PCDH15: variants seen among roughly 807,000 people sequenced by gnomAD.
PCDH15 encodes protocadherin related 15.
PCDH15 carries 129 observed loss-of-function variants against 178.5 expected under a neutral mutation model. The ratio of observed to expected loss-of-function variants is 0.72; its 90% CI spans 0.63 to 0.84. The LOEUF is 0.84. Among genes scored for constraint, PCDH15 ranks in the 40% least tolerant of loss-of-function variants. The pLI, the probability that PCDH15 is intolerant of heterozygous loss-of-function variation, is 0.00. For missense variants in PCDH15, 2,230 were observed against 2,099.9 expected, an observed-to-expected ratio of 1.06 and a Z score of -1.21; for synonymous variants, 800 against 732.0, an observed-to-expected ratio of 1.09 and a Z score of -1.50.
At chr10:55,318,955 G>A (rs921137354) in intron 1 of PCDH15, among the ~76,000 whole-genome samples, 3 of 151,980 alleles carry the variant, frequency 2.0e-5, no homozygotes, top group Non-Finnish European at 2.9e-5. Context: ...CTCACCTTTA[G>A]TGTGGTGTAA....
intron 2 of PCDH15, among the ~76,000 whole-genome samples, chr10:54,918,689 T>A (rs373203663): frequency 9.2e-5 from 14 of 152,250 alleles, no homozygotes; most frequent in African/African-American, 2.9e-4. Flanking sequence ...TATCCCAATA[T>A]TACTCTTTTT....
chr10:55,445,782 C>T (rs1021441419), intron 2 of PCDH15, among the ~76,000 whole-genome samples: 10 of 152,140 alleles, frequency 6.6e-5, no homozygotes, highest in African/African-American at 9.7e-5. Flanking sequence ...AGGAGGATCA[C>T]GTGCAACTTT....
chr10:55,280,444 A>ATTTT (rs1170034467), intron 1 of PCDH15, among the ~76,000 whole-genome samples: 1 of 92,078 alleles, frequency 1.1e-5, no homozygotes, highest in Admixed American at 1.2e-4. Flanking sequence ...GCACCCAGCT[A>ATTTT]TTTTTTTTTT....
intron 1 of PCDH15, among the ~76,000 whole-genome samples, chr10:54,724,530 A>C (rs1024242432): frequency 7.3e-5 from 11 of 151,572 alleles, no homozygotes; most frequent in African/African-American, 2.4e-4. Context: ...AATCTAAAAT[A>C]AAATTAAAAT....
At chr10:54,798,570 CTT>C (rs1952301390) in intron 1 of PCDH15, among the ~76,000 whole-genome samples, 1 of 151,976 alleles carries the variant, frequency 6.6e-6, no homozygotes, top group South Asian at 2.1e-4. Flanking sequence ...ACTAAGAACT[CTT>C]TTAAAAAATG....
chr10:55,489,363 T>C (rs1171265506), intron 2 of PCDH15, among the ~76,000 whole-genome samples: 2 of 151,654 alleles, frequency 1.3e-5, no homozygotes, highest in African/African-American at 2.4e-5. Flanking sequence ...TAATATACCA[T>C]AAAATTTTAT....
At chr10:53,821,559 A>G (rs942513584) in intron 32 of PCDH15, 20 of 1,104,698 alleles carry the variant, frequency 1.8e-5, no homozygotes, top group Non-Finnish European at 2.1e-5. Flanking sequence ...TAAGTTGGGT[A>G]TCTAATTTTC....
intron 3 of PCDH15, among the ~76,000 whole-genome samples, chr10:54,818,504 T>C (rs755952541): frequency 2.6e-5 from 4 of 152,064 alleles, no homozygotes; most frequent in African/African-American, 4.8e-5. Context: ...TTTCTGAAAG[T>C]AGCTGGTAAA....
chr10:53,893,311 G>C (rs1218727628), intron 26 of PCDH15, among the ~76,000 whole-genome samples: 1 of 152,152 alleles, frequency 6.6e-6, no homozygotes, highest in African/African-American at 2.4e-5. Flanking sequence ...AAACCCACAG[G>C]GAAGTCCAGG....
At chr10:54,550,759 T>C (rs1344456218) in intron 2 of PCDH15, among the ~76,000 whole-genome samples, 1 of 152,206 alleles carries the variant, frequency 6.6e-6, no homozygotes, top group African/African-American at 2.4e-5. Context: ...GTATTGCTAT[T>C]ATAATCTTTT....
intron 1 of PCDH15, among the ~76,000 whole-genome samples, chr10:55,278,033 A>T (rs2132254285): frequency 6.6e-6 from 1 of 152,296 alleles, no homozygotes; most frequent in South Asian, 2.1e-4. Context: ...CATTAAAAAA[A>T]GCCTTGTGGT....
chr10:55,614,037 C>T (rs1431514507), intron 2 of PCDH15, among the ~76,000 whole-genome samples: 7 of 151,484 alleles, frequency 4.6e-5, no homozygotes, highest in African/African-American at 1.5e-4. Flanking sequence ...TGGCTTGAAC[C>T]GGGGAGACGG....
chr10:54,997,604 A>C lies in PCDH15; in HGVS notation c.-79-100104T>G, dbSNP rs369176476. Among the ~76,000 whole-genome samples the C allele has an allele frequency of 2.6e-5, 4 of 152,340 alleles. No homozygotes were observed. In the East Asian group the frequency reaches 7.7e-4, roughly 29 times the overall value. Reference sequence around the variant, plus strand: ...AATGATCTTTGTGCAAATTTATTTGACAAAACTAATATAATGTTTTTGGTT... The same window carrying C: ...AATGATCTTTGTGCAAATTTATTTGCCAAAACTAATATAATGTTTTTGGTT... On this transcript the variant is annotated intron_variant, in intron 2 of 5. Transcript: ENST00000458638.
chr10:54,500,255 A>G (rs1346413656), intron 3 of PCDH15, among the ~76,000 whole-genome samples: 1 of 152,040 alleles, frequency 6.6e-6, no homozygotes, highest in Non-Finnish European at 1.5e-5. Context: ...TGAGTTCACA[A>G]GGACACAAAG....
At chr10:54,178,704 T>C (rs914656522) in intron 13 of PCDH15, among the ~76,000 whole-genome samples, 2 of 146,012 alleles carry the variant, frequency 1.4e-5, no homozygotes, top group African/African-American at 2.7e-5. Flanking sequence ...GAATCTACAA[T>C]GAACTCAAAC....
At chr10:55,351,174 T>C (rs1286238984) in intron 2 of PCDH15, among the ~76,000 whole-genome samples, 1 of 151,100 alleles carries the variant, frequency 6.6e-6, no homozygotes, top group Non-Finnish European at 1.5e-5. Flanking sequence ...TGTTTTCTCC[T>C]AATACTGTCT....
At chr10:54,316,557 C>G (rs1346326289) in intron 8 of PCDH15, among the ~76,000 whole-genome samples, 1 of 106,838 alleles carries the variant, frequency 9.4e-6, no homozygotes, top group South Asian at 2.6e-4. Flanking sequence ...CACACACACA[C>G]ACACACACAC....
At chr10:55,405,391 G>T (rs1440869785) in intron 2 of PCDH15, among the ~76,000 whole-genome samples, 3 of 148,534 alleles carry the variant, frequency 2.0e-5, no homozygotes, top group Non-Finnish European at 4.5e-5. Flanking sequence ...GACTTCTTTG[G>T]CTTTAAATAC....
intron 2 of PCDH15, among the ~76,000 whole-genome samples, chr10:55,068,905 T>C (rs1776320300): frequency 1.3e-5 from 2 of 151,946 alleles, no homozygotes; most frequent in Admixed American, 6.6e-5. Flanking sequence ...TTTTTGGTTA[T>C]TATTATTTTT....
Sources: allele counts gnomAD v4.1 joint callset (sites outside exome capture counted in the v4.1 genomes callset), GRCh38; gene constraint gnomAD v4.1.1; transcripts MANE v1.5; gene names NCBI Gene and HGNC (gene_info 2026-07-23, HGNC 2026-07-21).